MALRD1: variants seen among roughly 807,000 people sequenced by gnomAD.
MALRD1 encodes the protein MAM and LDL-receptor class A domain-containing protein 1.
MALRD1 carries 247 observed loss-of-function variants against 242.1 expected under a neutral mutation model. That is an observed-to-expected ratio of 1.02 (90% CI 0.92 to 1.13). MALRD1 has a LOEUF of 1.13. MALRD1 is among the 50% of genes most tolerant of loss of function. MALRD1 has a pLI of 0.00. For missense variants in MALRD1, 2,989 were observed against 2,533.1 expected (o/e 1.18, Z -3.86); for synonymous variants, 995 against 866.6 (o/e 1.15, Z -2.60).
intron 31 of MALRD1, among the ~76,000 whole-genome samples, chr10:19,499,931 C>G (rs111509274): frequency 6.6e-6 from 1 of 152,092 alleles, no homozygotes; most frequent in Admixed American, 6.5e-5. Flanking sequence ...TTGCGTATGT[C>G]GAACCAACCT....
chr10:19,399,207 G>A (rs934921599), intron 28 of MALRD1, among the ~76,000 whole-genome samples: 7 of 152,190 alleles, frequency 4.6e-5, no homozygotes, highest in Non-Finnish European at 4.4e-5. Flanking sequence ...CAACTAGTCT[G>A]TGTAGGAATC....
At chr10:19,590,261 T>G (rs2131543422) in intron 33 of MALRD1, among the ~76,000 whole-genome samples, 1 of 148,114 alleles carries the variant, frequency 6.8e-6, no homozygotes, top group African/African-American at 2.5e-5. Context: ...ATATATATAA[T>G]ATATGTATAT....
At chr10:19,547,802 ATATATATATATATATATTTTT>A (rs1423192410) in intron 32 of MALRD1, among the ~76,000 whole-genome samples, 1 of 14,508 alleles carries the variant, frequency 6.9e-5, no homozygotes, top group South Asian at 2.7e-3. Flanking sequence ...ATATATATAT[ATATATATATATATATATTTTT>A]TTTTTTTTTT....
chr10:19,293,270 T>C (rs1841534370), intron 21 of MALRD1, among the ~76,000 whole-genome samples: 1 of 121,910 alleles, frequency 8.2e-6, no homozygotes, highest in African/African-American at 2.7e-5. Context: ...TCAACTGTAG[T>C]TATATATACA....
chr10:19,502,748 G>A (rs1429170101), intron 31 of MALRD1, among the ~76,000 whole-genome samples: 1 of 152,002 alleles, frequency 6.6e-6, no homozygotes, highest in African/African-American at 2.4e-5. Flanking sequence ...ATCCTAGGAC[G>A]GTATTTGAAA....
chr10:19,475,419 A>T (rs916529415), intron 29 of MALRD1, among the ~76,000 whole-genome samples: 4 of 152,172 alleles, frequency 2.6e-5, no homozygotes, highest in Non-Finnish European at 5.9e-5. Flanking sequence ...CGTCTCAAAA[A>T]ATAATAATAA....
chr10:19,472,931 G>A (rs1836566269), intron 29 of MALRD1, among the ~76,000 whole-genome samples: 1 of 150,520 alleles, frequency 6.6e-6, no homozygotes, highest in Admixed American at 6.6e-5. Context: ...TATAATCATT[G>A]ATAAATATGA....
intron 36 of MALRD1, among the ~76,000 whole-genome samples, chr10:19,642,528 A>ATG (rs924061542): frequency 1.3e-5 from 2 of 152,192 alleles, no homozygotes; most frequent in African/African-American, 4.8e-5. Flanking sequence ...ACAAGCTAGA[A>ATG]TGTATTGAAT....
At chr10:19,586,151 C>G (rs1322956863) in intron 33 of MALRD1, among the ~76,000 whole-genome samples, 2 of 152,134 alleles carry the variant, frequency 1.3e-5, no homozygotes, top group South Asian at 2.1e-4. Flanking sequence ...AAGTTTTCAA[C>G]TTCTTTGCCT....
intron 36 of MALRD1, among the ~76,000 whole-genome samples, chr10:19,682,199 T>C (rs950280277): frequency 6.6e-6 from 1 of 152,166 alleles, no homozygotes; most frequent in Admixed American, 6.5e-5. Flanking sequence ...CGTGAACCCA[T>C]GCTTAGAAAA....
intron 28 of MALRD1, 143 bp downstream of exon 28, chr10:19,389,752 G>A (rs992771978): frequency 3.7e-6 from 3 of 812,004 alleles, no homozygotes; most frequent in African/African-American, 1.7e-5. Flanking sequence ...CGATCCTCCT[G>A]CCTCTGCCTC....
At chr10:19,688,039 G>C (rs913428282) in intron 36 of MALRD1, among the ~76,000 whole-genome samples, 1 of 151,876 alleles carries the variant, frequency 6.6e-6, no homozygotes, top group Non-Finnish European at 1.5e-5. Flanking sequence ...GAGTGATCTC[G>C]AGTCACTGCA....
At chr10:19,528,331 A>C (rs1834190974) in intron 31 of MALRD1, among the ~76,000 whole-genome samples, 1 of 152,232 alleles carries the variant, frequency 6.6e-6, no homozygotes, top group South Asian at 2.1e-4. Context: ...ACAGTGACTC[A>C]AGCCTGTAAT....
chr10:19,539,797 C>T (rs963835428), intron 32 of MALRD1, among the ~76,000 whole-genome samples: 1 of 151,422 alleles, frequency 6.6e-6, no homozygotes, highest in Admixed American at 6.6e-5. Context: ...AGTTATCCTC[C>T]CACGTCAGCC....
chr10:19,733,672 C>T (rs1440416502), intron 39 of MALRD1, among the ~76,000 whole-genome samples: 1 of 148,884 alleles, frequency 6.7e-6, no homozygotes, highest in Non-Finnish European at 1.5e-5. Context: ...TTGAAGAAAC[C>T]AGATTGCTTG....
At chr10:19,117,119 A>T (rs1172662774) in intron 5 of MALRD1, among the ~76,000 whole-genome samples, 2 of 151,680 alleles carry the variant, frequency 1.3e-5, no homozygotes, top group African/African-American at 4.8e-5. Context: ...AAGAAGAAAG[A>T]AAGAGTGAGA....
intron 29 of MALRD1, among the ~76,000 whole-genome samples, chr10:19,478,496 CAAGTTA>C (rs1330049749): frequency 6.6e-6 from 1 of 152,126 alleles, no homozygotes; most frequent in Admixed American, 6.5e-5. Context: ...ATGGTTTCTT[CAAGTTA>C]GAGTTAAAAT....
chr10:19,182,693 T>C (rs1564449495), intron 14 of MALRD1, among the ~76,000 whole-genome samples: 1 of 152,054 alleles, frequency 6.6e-6, no homozygotes, highest in Non-Finnish European at 1.5e-5. Context: ...CATCATTATA[T>C]TGAGAATGAT....
At chr10:19,264,712 C>G (rs1177217421) in intron 19 of MALRD1, among the ~76,000 whole-genome samples, 1 of 152,172 alleles carries the variant, frequency 6.6e-6, no homozygotes, top group African/African-American at 2.4e-5. Context: ...CTCGGCCTCT[C>G]AAAGTGCTGG....
Sources: gnomAD v4.1 joint callset for allele counts (sites outside exome capture counted in the v4.1 genomes callset) on GRCh38, gnomAD v4.1.1 for gene constraint, MANE v1.5 for transcripts, NCBI Gene and HGNC (gene_info 2026-07-23, HGNC 2026-07-21) for gene names.